Variants in TCF4 observed in about 807,000 individuals in gnomAD.
TCF4 encodes the protein transcription factor 4.
In TCF4, 3 loss-of-function variants were observed where a neutral mutation model predicts 82.1. That is an observed-to-expected ratio of 0.04 (90% CI 0.02 to 0.09). The LOEUF (loss-of-function observed/expected upper bound fraction) is 0.09, where lower values mean the gene tolerates loss of function less well. TCF4 is among the 10% of genes least tolerant of loss of function. The pLI is 1.00. For missense variants in TCF4, 518 were observed against 852.7 expected (o/e 0.61, Z 4.89); for synonymous variants, 276 against 309.6 (o/e 0.89, Z 1.14).
intron 3 of TCF4, among the ~76,000 whole-genome samples, chr18:55,465,701 T>C (rs2096001721): frequency 6.6e-6 from 1 of 152,134 alleles, no homozygotes; most frequent in Non-Finnish European, 1.5e-5. Flanking sequence ...CGCACATAAA[T>C]AAATTTTGTA....
intron 6 of TCF4, among the ~76,000 whole-genome samples, chr18:55,354,459 C>G (rs1403167626): frequency 6.6e-6 from 1 of 152,172 alleles, no homozygotes; most frequent in Non-Finnish European, 1.5e-5. Context: ...TGATCAACCA[C>G]TGAACTTTGC....
intron 3 of TCF4, among the ~76,000 whole-genome samples, chr18:55,494,965 T>TAAA (rs138885827): frequency 3.5e-5 from 5 of 142,562 alleles, no homozygotes; most frequent in Middle Eastern, 7.1e-3. Context: ...AGCCTTTCTT[T>TAAA]AAAAAAAAAA....
intron 6 of TCF4, among the ~76,000 whole-genome samples, chr18:55,388,831 A>T (rs1026272153): frequency 6.6e-6 from 1 of 152,160 alleles, no homozygotes; most frequent in African/African-American, 2.4e-5. Flanking sequence ...ATTAAAAATA[A>T]TCCCAGCCTC....
chr18:55,536,467 C>T (rs1451018117), intron 3 of TCF4, among the ~76,000 whole-genome samples: 2 of 152,148 alleles, frequency 1.3e-5, no homozygotes, highest in Non-Finnish European at 2.9e-5. Context: ...AACACAGTAA[C>T]CTAGTGCCAT....
At chr18:55,454,345 G>T (rs12606995) in intron 5 of TCF4, among the ~76,000 whole-genome samples, 1 of 151,798 alleles carries the variant, frequency 6.6e-6, no homozygotes, top group Non-Finnish European at 1.5e-5. Context: ...TCTGGTTTAG[G>T]GTCTTCTTCT....
chr18:55,585,758 T>C, intron 2 of TCF4: 1 of 1,095,532 alleles, frequency 9.1e-7, no homozygotes, highest in Non-Finnish European at 1.1e-6. Flanking sequence ...CATTTCCATC[T>C]CGTATAGGAT....
intron 5 of TCF4, among the ~76,000 whole-genome samples, chr18:55,428,443 C>T (rs1462830915): frequency 1.3e-5 from 2 of 152,212 alleles, no homozygotes; most frequent in Admixed American, 6.5e-5. Context: ...CATCTCTGAT[C>T]TGCACACCCT....
At chr18:55,552,468 T>C (rs1297043247) in intron 3 of TCF4, among the ~76,000 whole-genome samples, 1 of 152,212 alleles carries the variant, frequency 6.6e-6, no homozygotes, top group Non-Finnish European at 1.5e-5. Context: ...GACCAATTTT[T>C]TCAATGCTAA....
At chr18:55,622,429 C>T (rs1603625603) in intron 2 of TCF4, among the ~76,000 whole-genome samples, 1 of 150,592 alleles carries the variant, frequency 6.6e-6, no homozygotes, top group Non-Finnish European at 1.5e-5. Context: ...GTCGCTTGAA[C>T]CCGAGGCAGA....
chr18:55,263,485 C>T (rs981952252), intron 11 of TCF4, among the ~76,000 whole-genome samples: 5 of 152,066 alleles, frequency 3.3e-5, no homozygotes, highest in Non-Finnish European at 5.9e-5. Flanking sequence ...TGCAGGCATG[C>T]ACCACTATGC....
chr18:55,412,210 T>C (rs1467832281), intron 5 of TCF4, among the ~76,000 whole-genome samples: 1 of 152,070 alleles, frequency 6.6e-6, no homozygotes, highest in Non-Finnish European at 1.5e-5. Context: ...CACTCACCTA[T>C]TTACGCAGAG....
intron 15 of TCF4, among the ~76,000 whole-genome samples, chr18:55,243,088 G>A (rs985178310): frequency 3.3e-5 from 5 of 152,114 alleles, no homozygotes; most frequent in African/African-American, 4.8e-5. Context: ...GTGATGGGTC[G>A]AATTTTGATA....
At chr18:55,513,061 G>A (rs1025544543) in intron 3 of TCF4, among the ~76,000 whole-genome samples, 1 of 152,076 alleles carries the variant, frequency 6.6e-6, no homozygotes, top group African/African-American at 2.4e-5. Flanking sequence ...GAAGATAAAG[G>A]GGCACCATCT....
At chr18:55,484,288 G>A (rs555818030) in intron 3 of TCF4, among the ~76,000 whole-genome samples, 4 of 152,044 alleles carry the variant, frequency 2.6e-5, no homozygotes, top group Non-Finnish European at 4.4e-5. Flanking sequence ...AAACCGCAAC[G>A]GTTTAAATTA....
chr18:55,516,803 G>A (rs78769229), intron 3 of TCF4, among the ~76,000 whole-genome samples: 15,920 of 151,762 alleles, frequency 0.1, 1,213 homozygotes, highest in East Asian at 0.43. Flanking sequence ...GTGTAGAGTG[G>A]GAGAGAAAGC....
intron 6 of TCF4, among the ~76,000 whole-genome samples, chr18:55,392,120 C>A (rs2093168091): frequency 1.3e-5 from 2 of 150,562 alleles, no homozygotes; most frequent in Non-Finnish European, 3.0e-5. Flanking sequence ...TGCACCACCA[C>A]ACCTAGCTAA....
At chr18:55,389,135 A>G (rs1302752396) in intron 6 of TCF4, among the ~76,000 whole-genome samples, 4 of 152,170 alleles carry the variant, frequency 2.6e-5, no homozygotes, top group African/African-American at 7.2e-5. Flanking sequence ...CAAAAAATAA[A>G]TAAATAAATA....
chr18:55,438,965 C>T (rs2095386412), intron 5 of TCF4, among the ~76,000 whole-genome samples: 1 of 152,142 alleles, frequency 6.6e-6, no homozygotes, highest in South Asian at 2.1e-4. Flanking sequence ...CCCAGTTTTG[C>T]TGAGCCCTAA....
chr18:55,321,513 G>A, intron 8 of TCF4: 2 of 1,106,950 alleles, frequency 1.8e-6, no homozygotes, highest in Non-Finnish European at 1.3e-6. Context: ...TAGGCAAGAA[G>A]AAGATCTTAG....
Sources: gnomAD v4.1 joint callset for allele counts (sites outside exome capture counted in the v4.1 genomes callset) on GRCh38, gnomAD v4.1.1 for gene constraint, MANE v1.5 for transcripts, NCBI Gene and HGNC (gene_info 2026-07-23, HGNC 2026-07-21) for gene names.